Variants in FBXL7 observed in about 807,000 individuals in gnomAD.
FBXL7 encodes the protein F-box and leucine rich repeat protein 7.
Under a neutral mutation model 38.3 loss-of-function variants are expected in FBXL7, and 12 were observed. That is an observed-to-expected ratio of 0.31 (90% confidence interval 0.20 to 0.51). The LOEUF is 0.51. Among genes scored for constraint, FBXL7 ranks in the 20% least tolerant of loss-of-function variants. FBXL7 has a pLI of 0.98. For missense variants in FBXL7, 567 were observed against 676.4 expected (o/e 0.84, Z 1.79); for synonymous variants, 297 against 300.9 (o/e 0.99, Z 0.13).
At chr5:15,535,363 G>A (rs1416324256) in intron 1 of FBXL7, among the ~76,000 whole-genome samples, 3 of 152,218 alleles carry the variant, frequency 2.0e-5, no homozygotes, top group Non-Finnish European at 4.4e-5. Context: ...AGACAGGAAC[G>A]TGTGGGAAAG....
At chr5:15,771,940 A>G (rs1192305460) in intron 2 of FBXL7, among the ~76,000 whole-genome samples, 1 of 151,580 alleles carries the variant, frequency 6.6e-6, no homozygotes, top group Non-Finnish European at 1.5e-5. Context: ...GCTAATTTTT[A>G]TATTTTTTTT....
At chr5:15,541,381 T>C (rs1261261895) in intron 1 of FBXL7, among the ~76,000 whole-genome samples, 4 of 144,150 alleles carry the variant, frequency 2.8e-5, no homozygotes, top group Non-Finnish European at 3.0e-5. Flanking sequence ...CATATATATA[T>C]ACACACACAT....
chr5:15,845,102 G>C (rs1331293255), intron 2 of FBXL7, among the ~76,000 whole-genome samples: 1 of 152,172 alleles, frequency 6.6e-6, no homozygotes, highest in African/African-American at 2.4e-5. Context: ...TTTCTCTTCT[G>C]CCTTGCACAA....
intron 1 of FBXL7, among the ~76,000 whole-genome samples, chr5:15,516,746 TAGTG>T (rs1374436651): frequency 2.0e-5 from 3 of 152,140 alleles, no homozygotes; most frequent in African/African-American, 4.8e-5. Context: ...GTTCTCGTGA[TAGTG>T]AGTGAGTTCT....
At chr5:15,547,615 A>G (rs1267310875) in intron 1 of FBXL7, among the ~76,000 whole-genome samples, 1 of 152,178 alleles carries the variant, frequency 6.6e-6, no homozygotes, top group South Asian at 2.1e-4. Flanking sequence ...TCTCATCTGC[A>G]CACACTCCAC....
intron 1 of FBXL7, among the ~76,000 whole-genome samples, chr5:15,609,832 G>C (rs1331516999): frequency 6.6e-6 from 1 of 152,200 alleles, no homozygotes. Flanking sequence ...CATAGGGACT[G>C]AGGTGACAGC....
chr5:15,887,848 G>T (rs1028319977), intron 2 of FBXL7, among the ~76,000 whole-genome samples: 2 of 152,142 alleles, frequency 1.3e-5, no homozygotes, highest in African/African-American at 4.8e-5. Context: ...AGTAGAGTGG[G>T]GAGGAAAAGC....
chr5:15,822,429 C>T (rs1414813195), intron 2 of FBXL7, among the ~76,000 whole-genome samples: 2 of 152,024 alleles, frequency 1.3e-5, no homozygotes, highest in African/African-American at 4.8e-5. Flanking sequence ...ATGAGGGCAA[C>T]AGGCTGCTTT....
rs1377728113 is a variant in FBXL7, at chr5:15,939,095, TGAG to T, written c.*1911_*1913del. On this transcript the variant is annotated 3_prime_UTR_variant, in exon 4 of 4. Coordinates refer to ENST00000504595, the MANE Select transcript of FBXL7 (RefSeq NM_012304.5). ...GTGGGGGATGGAGAGGTTAGTGTGA[TGAG>T]GTGGTGTCTGCCCAGGAGGTTTCTT... 4.3e-5 allele frequency: 17 copies of T among 398,874 alleles called. No homozygotes were observed. Among genetic ancestry groups the T allele is most frequent in the Non-Finnish European group, 7.5e-5 (17 of 226,054 alleles). 24.7% of individuals were successfully genotyped at this position (398,874 alleles called of 1,614,324 possible).
intron 2 of FBXL7, among the ~76,000 whole-genome samples, chr5:15,732,723 A>G (rs376540275): frequency 9.8e-5 from 15 of 152,324 alleles, no homozygotes; most frequent in African/African-American, 3.6e-4. Flanking sequence ...ACTACAACTG[A>G]TGTTAAAAAG....
At chr5:15,844,448 A>G (rs778839290) in intron 2 of FBXL7, among the ~76,000 whole-genome samples, 7 of 152,202 alleles carry the variant, frequency 4.6e-5, no homozygotes, top group Admixed American at 4.6e-4. Flanking sequence ...AGCTCTTGGC[A>G]CTGCTGGACA....
At chr5:15,813,323 G>A (rs1350200608) in intron 2 of FBXL7, among the ~76,000 whole-genome samples, 1 of 152,078 alleles carries the variant, frequency 6.6e-6, no homozygotes, top group East Asian at 1.9e-4. Flanking sequence ...CAAGAAATGG[G>A]GAAAGGATTC....
intron 1 of FBXL7, among the ~76,000 whole-genome samples, chr5:15,513,431 C>T (rs1484232805): frequency 6.6e-6 from 1 of 152,076 alleles, no homozygotes; most frequent in South Asian, 2.1e-4. Context: ...ATAAAATAGC[C>T]CAAGATGTGA....
intron 2 of FBXL7, among the ~76,000 whole-genome samples, chr5:15,924,814 A>G (rs1430397971): frequency 6.6e-6 from 1 of 151,988 alleles, no homozygotes; most frequent in African/African-American, 2.4e-5. Flanking sequence ...TTTAGTAGAG[A>G]CAGGTTTTTG....
chr5:15,811,879 A>G (rs1737870608), intron 2 of FBXL7, among the ~76,000 whole-genome samples: 1 of 152,176 alleles, frequency 6.6e-6, no homozygotes, highest in African/African-American at 2.4e-5. Flanking sequence ...ATGCTTTTAC[A>G]CTGTTGGTGG....
chr5:15,522,032 C>G lies in FBXL7; in HGVS notation c.37+21319C>G, dbSNP rs1423840477. On this transcript the variant is annotated intron_variant, in intron 1 of 3. Coordinates refer to ENST00000504595, the MANE Select transcript of FBXL7 (RefSeq NM_012304.5). ...GTTAAGATTTATGAATACACTCACT[C>G]TGGGGCAAGTGCCATGTAAATTTTA... 2.0e-5 allele frequency among the ~76,000 whole-genome samples: 3 copies of G among 152,224 alleles called. No homozygotes were observed. In the South Asian group the frequency reaches 6.2e-4, roughly 31 times the overall value.
At chr5:15,877,204 A>G (rs1291303433) in intron 2 of FBXL7, among the ~76,000 whole-genome samples, 1 of 152,148 alleles carries the variant, frequency 6.6e-6, no homozygotes, top group African/African-American at 2.4e-5. Context: ...TTTTCTCTTC[A>G]GTAACATGTA....
intron 2 of FBXL7, among the ~76,000 whole-genome samples, chr5:15,782,292 G>A (rs1737017519): frequency 1.3e-5 from 2 of 152,164 alleles, no homozygotes; most frequent in South Asian, 4.2e-4. Context: ...AAACATGTGT[G>A]TGCATGTGTC....
intron 1 of FBXL7, among the ~76,000 whole-genome samples, chr5:15,503,762 G>A (rs1039521858): frequency 1.3e-5 from 2 of 152,020 alleles, no homozygotes; most frequent in Non-Finnish European, 2.9e-5. Context: ...TAGATAGCTC[G>A]ACTATAAAAT....
Sources: gnomAD v4.1 joint callset for allele counts (sites outside exome capture counted in the v4.1 genomes callset) on GRCh38, gnomAD v4.1.1 for gene constraint, MANE v1.5 for transcripts, NCBI Gene and HGNC (gene_info 2026-07-23, HGNC 2026-07-21) for gene names.